HMBOX1: variants seen among roughly 807,000 people sequenced by gnomAD.
The protein encoded by HMBOX1 is homeobox-containing protein 1.
HMBOX1 carries 14 observed loss-of-function variants against 54.5 expected under a neutral mutation model. That is an observed-to-expected ratio of 0.26 (90% CI 0.17 to 0.40). The LOEUF (loss-of-function observed/expected upper bound fraction) is 0.40. Among genes scored for constraint, HMBOX1 ranks in the 10% least tolerant of loss-of-function variants. HMBOX1 has a pLI of 1.00. For missense variants in HMBOX1, 332 were observed against 514.4 expected (o/e 0.65, Z 3.43); for synonymous variants, 160 against 181.0 (o/e 0.88, Z 0.93).
chr8:28,956,861 A>C (rs1824546745), intron 1 of HMBOX1, among the ~76,000 whole-genome samples: 1 of 152,260 alleles, frequency 6.6e-6, no homozygotes, highest in African/African-American at 2.4e-5. Flanking sequence ...TCTCAAAAGA[A>C]GACTTACAAG....
At chr8:28,954,545 A>G (rs1824053922) in intron 1 of HMBOX1, among the ~76,000 whole-genome samples, 1 of 152,164 alleles carries the variant, frequency 6.6e-6, no homozygotes, top group East Asian at 1.9e-4. Context: ...AGTGAAACAG[A>G]TCTATGCCAA....
At chr8:28,974,259 A>G (rs1205927026) in intron 3 of HMBOX1, among the ~76,000 whole-genome samples, 1 of 152,212 alleles carries the variant, frequency 6.6e-6, no homozygotes, top group Non-Finnish European at 1.5e-5. Context: ...TATGAATTTA[A>G]CAGATTGTTG....
chr8:29,006,904 A>G (rs118169393), intron 4 of HMBOX1, among the ~76,000 whole-genome samples: 401 of 152,346 alleles, frequency 2.6e-3, no homozygotes, highest in Non-Finnish European at 4.1e-3. Flanking sequence ...GTAGTATGAT[A>G]GCAATATGAA....
chr8:28,894,289 T>TTA (rs1811625362), intron 1 of HMBOX1, among the ~76,000 whole-genome samples: 1 of 152,174 alleles, frequency 6.6e-6, no homozygotes, highest in African/African-American at 2.4e-5. Flanking sequence ...CATAAAATAC[T>TTA]TTTATGTTTA....
chr8:28,940,707 C>T (rs539589312), intron 1 of HMBOX1, among the ~76,000 whole-genome samples: 10 of 152,262 alleles, frequency 6.6e-5, no homozygotes, highest in South Asian at 4.1e-4. Context: ...CCAACTGATA[C>T]GTAATTTATC....
intron 6 of HMBOX1, among the ~76,000 whole-genome samples, chr8:29,039,937 ATAGTG>A (rs2133288773): frequency 6.6e-6 from 1 of 152,262 alleles, no homozygotes; most frequent in East Asian, 1.9e-4. Flanking sequence ...TGTAAGCCCT[ATAGTG>A]TAATCAGATC....
intron 4 of HMBOX1, among the ~76,000 whole-genome samples, chr8:28,998,191 A>G (rs1832140218): frequency 6.6e-6 from 1 of 152,180 alleles, no homozygotes; most frequent in Non-Finnish European, 1.5e-5. Flanking sequence ...GTTGGCATAT[A>G]GTTGTTCATA....
At chr8:28,912,658 GT>G (rs1217552430) in intron 1 of HMBOX1, among the ~76,000 whole-genome samples, 1 of 152,116 alleles carries the variant, frequency 6.6e-6, no homozygotes, top group African/African-American at 2.4e-5. Context: ...ATACTTCTGT[GT>G]TTTGGGTTTT....
At chr8:28,919,867 A>G (rs1817229833) in intron 1 of HMBOX1, among the ~76,000 whole-genome samples, 1 of 152,240 alleles carries the variant, frequency 6.6e-6, no homozygotes, top group Admixed American at 6.5e-5. Context: ...ATTCTTTTGT[A>G]AAATGAATAC....
intron 6 of HMBOX1, among the ~76,000 whole-genome samples, chr8:29,042,084 G>A (rs552652405): frequency 3.6e-4 from 55 of 152,220 alleles, no homozygotes; most frequent in South Asian, 1.4e-3. Flanking sequence ...CTTAGTTGAC[G>A]TACCAGTAAG....
intron 1 of HMBOX1, among the ~76,000 whole-genome samples, chr8:28,904,737 C>T (rs188285461): frequency 1.3e-5 from 2 of 151,080 alleles, no homozygotes; most frequent in African/African-American, 4.9e-5. Flanking sequence ...AGTGCAGTGG[C>T]ACCATCTTGC....
chr8:29,046,569 G>T (rs8180944), intron 7 of HMBOX1, among the ~76,000 whole-genome samples: 54,300 of 152,090 alleles, frequency 0.36, 9,912 homozygotes, highest in South Asian at 0.44. Flanking sequence ...AGTCATAGCG[G>T]CCTTCAGCCT....
intron 6 of HMBOX1, among the ~76,000 whole-genome samples, chr8:29,034,661 G>C (rs1339120221): frequency 3.3e-5 from 5 of 152,306 alleles, no homozygotes; most frequent in South Asian, 4.1e-4. Context: ...TTCAAGACCA[G>C]CCTGGCCAAC....
intron 9 of HMBOX1, chr8:29,049,410 C>T: frequency 6.5e-7 from 1 of 1,530,064 alleles, no homozygotes; most frequent in Non-Finnish European, 8.7e-7. Flanking sequence ...TTACACCATT[C>T]ACGACACACA....
At chr8:28,899,623 A>G (rs955825668) in intron 1 of HMBOX1, among the ~76,000 whole-genome samples, 1 of 152,242 alleles carries the variant, frequency 6.6e-6, no homozygotes, top group African/African-American at 2.4e-5. Context: ...TGTCCAGTCA[A>G]CACCATAGGT....
At chr8:28,951,425 C>A (rs1451511454) in intron 1 of HMBOX1, among the ~76,000 whole-genome samples, 2 of 152,122 alleles carry the variant, frequency 1.3e-5, no homozygotes, top group African/African-American at 4.8e-5. Context: ...GCCACTGCGC[C>A]CGGCCCAAAT....
In HMBOX1 at chr8:28,951,589, TG is replaced by T. The variant is rs572989840; in HGVS notation, c.-57-12220del. ...AAGCTGAGTTTAGGAAAAGGAAGCC[TG>T]GAAAAAAGAGAAGCTGGTGTGGTTG... is the stretch of plus-strand genomic sequence containing the variant. On this transcript the variant is annotated intron_variant, in intron 1 of 9. Transcript: ENST00000287701. 4.3e-4 allele frequency among the ~76,000 whole-genome samples: 65 copies of T among 152,210 alleles called. No individual in the cohort carries two copies. The South Asian group carries it at 0.013, about 30-fold the overall frequency.
intron 4 of HMBOX1, among the ~76,000 whole-genome samples, chr8:29,008,389 C>T (rs1833765280): frequency 6.6e-6 from 1 of 152,180 alleles, no homozygotes; most frequent in Middle Eastern, 3.4e-3. Flanking sequence ...AAAACTACTG[C>T]TTTATATTCT....
intron 4 of HMBOX1, among the ~76,000 whole-genome samples, chr8:29,006,281 C>T (rs1833442797): frequency 6.6e-6 from 1 of 152,132 alleles, no homozygotes; most frequent in African/African-American, 2.4e-5. Flanking sequence ...GTGTGAGCCA[C>T]TGCGCCTGGC....
Sources: allele counts gnomAD v4.1 joint callset (sites outside exome capture counted in the v4.1 genomes callset), GRCh38; gene constraint gnomAD v4.1.1; transcripts MANE v1.5; gene names NCBI Gene and HGNC (gene_info 2026-07-23, HGNC 2026-07-21).